The following CACHD1 variants were observed in gnomAD, a reference collection of about 807,000 sequenced individuals.
CACHD1 encodes cache domain containing 1.
In CACHD1, 71 loss-of-function variants were observed where a neutral mutation model predicts 138.7. That is an observed-to-expected ratio of 0.51 (90% CI 0.42 to 0.62). The LOEUF is 0.62. Ranked by LOEUF, CACHD1 falls within the 20% of genes least tolerant of loss-of-function variation. The pLI is 0.00. For missense variants in CACHD1, 1,389 were observed against 1,625.3 expected, an observed-to-expected ratio of 0.85 and a Z score of 2.50; for synonymous variants, 578 against 591.5, an observed-to-expected ratio of 0.98 and a Z score of 0.33.
chr1:64,587,162 C>T (rs1237927930), intron 3 of CACHD1, among the ~76,000 whole-genome samples: 1 of 152,150 alleles, frequency 6.6e-6, no homozygotes, highest in Non-Finnish European at 1.5e-5. Context: ...TTTTAAGTGC[C>T]TGTGGCCTAT....
Position 64,470,960 on chromosome 1 carries a change from T to G in CACHD1, c.198+18T>G. The stretch of plus-strand genomic sequence containing the variant: ...CCATGCAGGTAAGTGGCCCCCGAGC[T>G]GGCCAGACATCCCGCCTTTCTCCTT... On this transcript the variant is annotated intron_variant, in intron 1 of 26. Transcript: ENST00000651257. This position sits in a 1 kb window ranked among gnomAD's most constrained non-coding sequence, Gnocchi z 5.2. 3 of 1,575,960 alleles carry G rather than the reference T, an allele frequency of 1.9e-6. No individual in the cohort carries two copies. Among genetic ancestry groups the G allele is most frequent in the Non-Finnish European group, 2.6e-6 (3 of 1,159,412 alleles).
At chr1:64,532,531 G>A (rs1192509840) in intron 1 of CACHD1, among the ~76,000 whole-genome samples, 1 of 152,102 alleles carries the variant, frequency 6.6e-6, no homozygotes, top group Non-Finnish European at 1.5e-5. Flanking sequence ...GTGGAATGGG[G>A]AGTACCAAGG....
chr1:64,575,004 A>G (rs1646955829), intron 2 of CACHD1, among the ~76,000 whole-genome samples: 2 of 152,226 alleles, frequency 1.3e-5, no homozygotes, highest in South Asian at 4.1e-4. Flanking sequence ...TTTATTACTT[A>G]TAGCTTTATC....
chr1:64,688,436 T>C (rs1449400028), intron 26 of CACHD1, among the ~76,000 whole-genome samples: 1 of 152,128 alleles, frequency 6.6e-6, no homozygotes, highest in Non-Finnish European at 1.5e-5. Flanking sequence ...CACTATTTGC[T>C]CAGTATCTGA....
At position 64,671,674 on chromosome 1, in the gene CACHD1, G is replaced by A. The variant is rs753946294; in HGVS notation, c.2498G>A (p.Gly833Asp). The A allele has an allele frequency of 6.2e-7, 1 of 1,613,986 alleles. No individual in the cohort carries two copies. Among genetic ancestry groups the A allele is most frequent in the Non-Finnish European group, 8.5e-7 (1 of 1,179,930 alleles). Residue 833 changes from glycine to aspartate, a missense_variant, in exon 17 of 27, where the codon GGC becomes GAC. This residue lies in a region of CACHD1 where 1,000 missense variants were observed against 1,114.7 expected (regional missense o/e 0.90). Transcript: ENST00000651257. ...TTACCTGTCTGTAACCAAGATGGTGGCAACAAAATAAGGTAAGTGCTTTGG... is the reference window on the plus strand; with the variant it reads ...TTACCTGTCTGTAACCAAGATGGTGACAACAAAATAAGGTAAGTGCTTTGG... Reference protein sequence around the residue: ...DLLPVCNQDGGNKIRCFIMED... With the variant: ...DLLPVCNQDGDNKIRCFIMED...
At chr1:64,608,549 T>C (rs1178846640) in intron 4 of CACHD1, among the ~76,000 whole-genome samples, 1 of 152,216 alleles carries the variant, frequency 6.6e-6, no homozygotes, top group Non-Finnish European at 1.5e-5. Flanking sequence ...TAACTTCATT[T>C]GTCCAAAACT....
At chr1:64,669,219 G>C (rs1649737626) in intron 16 of CACHD1, among the ~76,000 whole-genome samples, 1 of 152,214 alleles carries the variant, frequency 6.6e-6, no homozygotes, top group Non-Finnish European at 1.5e-5. Flanking sequence ...TGTAATACCT[G>C]CATTGAACTG....
chr1:64,646,877 G>T (rs888786381), intron 8 of CACHD1, among the ~76,000 whole-genome samples: 4 of 152,186 alleles, frequency 2.6e-5, no homozygotes, highest in African/African-American at 9.7e-5. Context: ...GAAAGCTTCA[G>T]ATTCTTTTTA....
chr1:64,681,363 A>G, intron 25 of CACHD1, 28 bp downstream of exon 25: 1 of 1,555,234 alleles, frequency 6.4e-7, no homozygotes, highest in Non-Finnish European at 8.9e-7. Context: ...TTGCTGCAGA[A>G]TGTGTCAGCA....
intron 9 of CACHD1, 94 bp from the exon 10 acceptor site, chr1:64,652,067 A>T: frequency 1.8e-6 from 2 of 1,127,524 alleles, no homozygotes; most frequent in Non-Finnish European, 2.5e-6. Flanking sequence ...GAGACAGCTG[A>T]TAGAAGCCTT....
At chr1:64,480,783 G>A (rs1209244195) in intron 1 of CACHD1, among the ~76,000 whole-genome samples, 1 of 151,522 alleles carries the variant, frequency 6.6e-6, no homozygotes, top group Non-Finnish European at 1.5e-5. Flanking sequence ...AATTCCACCT[G>A]TAATTTTCAG....
intron 1 of CACHD1, among the ~76,000 whole-genome samples, chr1:64,473,887 C>A (rs1401771856): frequency 6.6e-6 from 1 of 152,114 alleles, no homozygotes; most frequent in African/African-American, 2.4e-5. Flanking sequence ...TAAGGAGTTG[C>A]AAGGGGGTAA....
rs1320028084 is a variant in CACHD1 at position 64,691,496 on chromosome 1, A to G, written c.3760A>G (p.Thr1254Ala). ...KFHHYRSHHPTLHHSHHLQAA... is the reference protein window; with the variant it reads ...KFHHYRSHHPALHHSHHLQAA... The stretch of plus-strand genomic sequence containing the variant: ...CCACCACTACCGGTCACACCACCCT[A>G]CACTTCATCATAGCCACCACTTACA... Residue 1254 changes from threonine to alanine, a missense_variant, in exon 27 of 27, where the codon ACA (threonine) becomes GCA (alanine). Thr to Ala is a moderately conservative substitution (Grantham distance 58, BLOSUM62 0). Around this residue, in one of 5 missense-constraint regions of CACHD1, gnomAD observed 78 missense variants for 76.9 expected, o/e 1.01. Coordinates refer to ENST00000651257, the MANE Select transcript of CACHD1 (RefSeq NM_020925.4). 6.2e-7 allele frequency: 1 copy of G among 1,614,002 alleles called. No homozygotes were observed. The highest frequency in any genetic ancestry group is 8.5e-7 in the Non-Finnish European group (1 of 1,179,992).
chr1:64,559,220 C>T (rs568750845), intron 2 of CACHD1, among the ~76,000 whole-genome samples: 6 of 152,118 alleles, frequency 3.9e-5, no homozygotes, highest in Admixed American at 3.3e-4. Context: ...ACACTGTTCA[C>T]GATAGCAAAG....
intron 1 of CACHD1, among the ~76,000 whole-genome samples, chr1:64,490,883 A>G (rs1161142196): frequency 6.6e-6 from 1 of 152,224 alleles, no homozygotes; most frequent in African/African-American, 2.4e-5. Context: ...GGGAACATAG[A>G]TGCAGAGCAA....
At chr1:64,579,650 ATTG>A (rs528388095) in intron 2 of CACHD1, among the ~76,000 whole-genome samples, 4 of 152,162 alleles carry the variant, frequency 2.6e-5, no homozygotes, top group Non-Finnish European at 4.4e-5. Flanking sequence ...AGAAATACAT[ATTG>A]TTGTATATTT....
At chr1:64,659,025 C>A in intron 13 of CACHD1, 152 bp downstream of exon 13, 1 of 646,058 alleles carries the variant, frequency 1.5e-6, no homozygotes, top group Non-Finnish European at 2.5e-6. Flanking sequence ...CGATTTGAAG[C>A]CTGGCCTCAA....
chr1:64,474,156 T>G (rs1332689760), intron 1 of CACHD1, among the ~76,000 whole-genome samples: 1 of 152,176 alleles, frequency 6.6e-6, no homozygotes, highest in Non-Finnish European at 1.5e-5. Context: ...CTGAATACTG[T>G]TCCCCTGACA....
chr1:64,499,241 T>C (rs780089883), intron 1 of CACHD1, among the ~76,000 whole-genome samples: 1 of 152,222 alleles, frequency 6.6e-6, no homozygotes, highest in Non-Finnish European at 1.5e-5. Flanking sequence ...CCTTATGGGC[T>C]GATTCTTATC....
Sources: allele counts gnomAD v4.1 joint callset (sites outside exome capture counted in the v4.1 genomes callset), GRCh38; gene constraint gnomAD v4.1.1; regional missense constraint gnomAD v4.1.1; non-coding constraint Gnocchi (gnomAD v3.1); transcripts MANE v1.5; gene names NCBI Gene and HGNC (gene_info 2026-07-23, HGNC 2026-07-21).